The following KIF5C variants were observed in gnomAD, a reference collection of about 807,000 sequenced individuals.
KIF5C encodes the protein kinesin family member 5C, also known as kinesin heavy chain isoform 5C.
In KIF5C, 18 loss-of-function variants were observed where a neutral mutation model predicts 125.2. The ratio of observed to expected loss-of-function variants is 0.14; its 90% CI spans 0.10 to 0.21. KIF5C has a LOEUF of 0.21. Among genes scored for constraint, KIF5C ranks in the 10% least tolerant of loss-of-function variants. The probability of loss-of-function intolerance (pLI) is 1.00; values close to 1 mark genes in which losing one functional copy is unlikely to be tolerated. For synonymous variants in KIF5C, 405 were observed against 434.0 expected (o/e 0.93, Z 0.83); for missense variants, 780 against 1,183.8 (o/e 0.66, Z 5.01).
intron 21 of KIF5C, among the ~76,000 whole-genome samples, chr2:149,002,191 A>G (rs563485581): frequency 6.6e-6 from 1 of 152,386 alleles, no homozygotes; most frequent in African/African-American, 2.4e-5. Flanking sequence ...TTAAAATTTC[A>G]CTATATTTCT....
rs555228135 is a variant in KIF5C, at chr2:148,917,351, C to G, written c.127-4786C>G. On this transcript the variant is annotated intron_variant, in intron 1 of 25. Transcript: ENST00000435030. ...GTTATTGCGGATGTCTCCTGCTTTTCTGGCAAATCATAAGCTTTTTAGGAA... is the reference window on the plus strand; with the variant it reads ...GTTATTGCGGATGTCTCCTGCTTTTGTGGCAAATCATAAGCTTTTTAGGAA... Among the ~76,000 whole-genome samples, 3 of 152,288 alleles carry G rather than the reference C, an allele frequency of 2.0e-5. No homozygotes were observed. The South Asian group carries it at 6.2e-4, about 32-fold the overall frequency.
At chr2:148,957,610 A>AC (rs1558917098) in intron 10 of KIF5C, among the ~76,000 whole-genome samples, 22 of 149,290 alleles carry the variant, frequency 1.5e-4, no homozygotes, top group South Asian at 2.1e-4. Flanking sequence ...AAAAAAAAAA[A>AC]AAAAAAACAA....
At chr2:148,894,328 T>C (rs575113983) in intron 1 of KIF5C, among the ~76,000 whole-genome samples, 1 of 152,332 alleles carries the variant, frequency 6.6e-6, no homozygotes, top group South Asian at 2.1e-4. Context: ...AGAAGCCACA[T>C]GTACAAAACA....
chr2:148,927,626 A>G (rs1167640222), intron 2 of KIF5C, among the ~76,000 whole-genome samples: 3 of 152,136 alleles, frequency 2.0e-5, no homozygotes, highest in African/African-American at 7.2e-5. Context: ...TGAATATGGC[A>G]TTTTTAAAGT....
At chr2:148,963,065 G>A (rs1682967631) in intron 11 of KIF5C, among the ~76,000 whole-genome samples, 1 of 151,710 alleles carries the variant, frequency 6.6e-6, no homozygotes, top group Admixed American at 6.6e-5. Flanking sequence ...TGGGTGGGTT[G>A]TGGGTGAGGT....
At chr2:148,963,159 T>C (rs1023382919) in intron 11 of KIF5C, among the ~76,000 whole-genome samples, 163 of 95,444 alleles carry the variant, frequency 1.7e-3, no homozygotes, top group African/African-American at 9.2e-3. Flanking sequence ...GGTAGAAGGC[T>C]TTTTTTTTTT....
Position 148,990,172 on chromosome 2 carries a change from G to A in KIF5C, c.1717-838G>A, listed in dbSNP as rs555663965. Among the ~76,000 whole-genome samples, 9 of 152,310 alleles carry A rather than the reference G, an allele frequency of 5.9e-5. No individual in the cohort carries two copies. In the East Asian group the frequency reaches 7.7e-4, roughly 13 times the overall value. On this transcript the variant is annotated intron_variant, in intron 15 of 25. Transcript: ENST00000435030. ...TTAAAGACCATGTTTGCATTTCAGC[G>A]GATGGGTTTCTATCCCAAGTAGCTT...
intron 1 of KIF5C, among the ~76,000 whole-genome samples, chr2:148,895,777 C>T (rs1461888302): frequency 6.6e-6 from 1 of 151,940 alleles, no homozygotes; most frequent in Non-Finnish European, 1.5e-5. Flanking sequence ...CTGGTGAGGG[C>T]TATCTTCCTG....
In KIF5C at chr2:148,949,834, G is replaced by C. The variant is rs1175637756; in HGVS notation, c.715-5G>C. On this transcript the variant is annotated splice_region_variant and splice_polypyrimidine_tract_variant and intron_variant, in intron 8 of 25. Coordinates refer to ENST00000435030, the MANE Select transcript of KIF5C (RefSeq NM_004522.3). The stretch of plus-strand genomic sequence containing the variant: ...CTGCTCACTGCTTTCTTTTCTCTCT[G>C]GTAGGTCAGCAAAACTGGTGCCGAG... 6.2e-7 allele frequency: 1 copy of C among 1,613,334 alleles called. No individual in the cohort carries two copies. The highest frequency in any genetic ancestry group is 1.7e-5 in the Admixed American group (1 of 59,952).
At chr2:148,983,829 T>C (rs1681302522) in intron 15 of KIF5C, 63 bp downstream of exon 15, 1 of 1,476,768 alleles carries the variant, frequency 6.8e-7, no homozygotes, top group Non-Finnish European at 9.0e-7. Context: ...GTCTGTGCTT[T>C]ACTCTTTTAA....
intron 12 of KIF5C, 139 bp downstream of exon 12, chr2:148,973,650 G>T (rs1439916889): frequency 1.6e-6 from 2 of 1,254,706 alleles, no homozygotes; most frequent in Non-Finnish European, 2.1e-6. Flanking sequence ...GCACTTTGAT[G>T]GTGCAGATTC....
chr2:148,997,468 T>C lies in KIF5C; in HGVS notation c.2100+128T>C, dbSNP rs1022325123. On this transcript the variant is annotated intron_variant, in intron 18 of 25. Transcript: ENST00000435030. Reference sequence around the variant, plus strand: ...GCAAGGGACAGGGGAGGGGCTGTTGTTGGGCATTCAGAGTCGATCTCAGAG... The same window carrying C: ...GCAAGGGACAGGGGAGGGGCTGTTGCTGGGCATTCAGAGTCGATCTCAGAG... 7 of 1,512,482 alleles carry C rather than the reference T, an allele frequency of 4.6e-6. No homozygotes were observed. The African/African-American group carries it at 5.5e-5, about 12-fold the overall frequency. 93.7% of individuals were successfully genotyped at this position (1,512,482 alleles called of 1,614,324 possible).
chr2:148,919,351 G>A (rs1039023620), intron 1 of KIF5C, among the ~76,000 whole-genome samples: 7 of 152,212 alleles, frequency 4.6e-5, no homozygotes, highest in Non-Finnish European at 7.3e-5. Context: ...GAAGGGACTC[G>A]TGTCTCCAGA....
chr2:148,893,150 C>G (rs1681753968), intron 1 of KIF5C, among the ~76,000 whole-genome samples: 1 of 152,160 alleles, frequency 6.6e-6, no homozygotes, highest in African/African-American at 2.4e-5. Flanking sequence ...TTTTTAATCA[C>G]AAATGGATCC....
At chr2:148,984,767 G>A (rs1225085208) in intron 15 of KIF5C, among the ~76,000 whole-genome samples, 1 of 151,950 alleles carries the variant, frequency 6.6e-6, no homozygotes, top group Non-Finnish European at 1.5e-5. Context: ...TGTACATATT[G>A]GTGCTCTTGG....
rs1682648056 is a variant in KIF5C, at chr2:149,024,980, A to G, written c.*1910A>G. 1 of 152,212 alleles carries G rather than the reference A, an allele frequency of 6.6e-6. No individual in the cohort carries two copies. The highest frequency in any genetic ancestry group is 2.4e-5 in the African/African-American group (1 of 41,440). The allele number at this position is 152,212 out of a possible 1,614,324, so 9.4% of individuals were successfully genotyped here. On this transcript the variant is annotated 3_prime_UTR_variant, in exon 26 of 26. Transcript: ENST00000435030. ...TGTTTGAGAGGATTGCCAATTATTA[A>G]TTGTCATTACCACTACTCTCCATTA...
At position 148,983,781 on chromosome 2, in the gene KIF5C, C is replaced by T; in HGVS notation, c.1716+15C>T. ...ATGTGAAAACTGTAAGCCAGCCCTTCTTTTATCCTCTCTACCTGCTCCTGT... is the reference window on the plus strand; with the variant it reads ...ATGTGAAAACTGTAAGCCAGCCCTTTTTTTATCCTCTCTACCTGCTCCTGT... On this transcript the variant is annotated intron_variant, in intron 15 of 25. Coordinates refer to ENST00000435030, the MANE Select transcript of KIF5C (RefSeq NM_004522.3). 2 of 1,586,114 alleles carry T rather than the reference C, an allele frequency of 1.3e-6. No homozygotes were observed. The highest frequency in any genetic ancestry group is 1.7e-6 in the Non-Finnish European group (2 of 1,164,408).
Position 148,875,500 on chromosome 2 carries a change from G to C in KIF5C, c.-118G>C, listed in dbSNP as rs907211929. ...TCGCGATGACCTGCTGAGAAGCGTC[G>C]TCGGAGGCTGCAGGAGGCGGCCTAG... On this transcript the variant is annotated 5_prime_UTR_variant, in exon 1 of 26. Coordinates refer to ENST00000435030, the MANE Select transcript of KIF5C (RefSeq NM_004522.3). 9 of 830,714 alleles carry C rather than the reference G, an allele frequency of 1.1e-5. No homozygotes were observed. Among genetic ancestry groups the C allele is most frequent in the Non-Finnish European group, 1.7e-5 (9 of 518,930 alleles). The allele number at this position is 830,714 out of a possible 1,614,324, so 51.5% of individuals were successfully genotyped here.
At chr2:148,968,952 T>C (rs948783880) in intron 11 of KIF5C, among the ~76,000 whole-genome samples, 1 of 152,174 alleles carries the variant, frequency 6.6e-6, no homozygotes, top group Non-Finnish European at 1.5e-5. Context: ...TCTGCTGTGG[T>C]TCCTGGCGGA....
Sources: allele counts gnomAD v4.1 joint callset (sites outside exome capture counted in the v4.1 genomes callset), GRCh38; gene constraint gnomAD v4.1.1; transcripts MANE v1.5; gene names NCBI Gene and HGNC (gene_info 2026-07-23, HGNC 2026-07-21).